Variants in RSPH9 observed in about 807,000 individuals in gnomAD.
RSPH9 encodes radial spoke head component 9.
A neutral mutation model predicts 27.0 loss-of-function variants in RSPH9; 27 were observed. The ratio of observed to expected loss-of-function variants is 1.00; its 90% CI spans 0.74 to 1.38. The LOEUF is 1.38. RSPH9 is among the 40% of genes most tolerant of loss of function. The pLI is 0.00. For synonymous variants in RSPH9, 145 were observed against 147.7 expected (o/e 0.98, Z 0.13); for missense variants, 347 against 357.4 (o/e 0.97, Z 0.24).
chr6:43,665,818 TC>T (rs1320976938), intron 4 of RSPH9, among the ~76,000 whole-genome samples: 19 of 152,066 alleles, frequency 1.2e-4, no homozygotes, highest in South Asian at 4.2e-4. Context: ...TTTCTTTCTT[TC>T]TTTCTTTTTT....
chr6:43,666,455 G>A, intron 4 of RSPH9: 4 of 1,550,530 alleles, frequency 2.6e-6, no homozygotes, highest in Non-Finnish European at 3.5e-6. Flanking sequence ...GTGACTTCAC[G>A]TGGCTTCTGA....
Position 43,672,035 on chromosome 6 carries a change from C to T in RSPH9, c.*1086C>T. 1 of 1,136,212 alleles carries T rather than the reference C, an allele frequency of 8.8e-7. No individual in the cohort carries two copies. The highest frequency in any genetic ancestry group is 1.2e-6 in the Non-Finnish European group (1 of 822,448). The allele number at this position is 1,136,212 out of a possible 1,614,324, so 70.4% of individuals were successfully genotyped here. A position where few individuals can be genotyped will look rare whatever the true frequency, so the allele number is the denominator to read the frequency against. On this transcript the variant is annotated 3_prime_UTR_variant, in exon 5 of 5. Coordinates refer to ENST00000372163, the MANE Select transcript of RSPH9 (RefSeq NM_152732.5). ...AAATCCTTTCACCAGTTTCCCTTTC[C>T]TGAAGTGCAGGGATTTTCCTGGGAG...
chr6:43,645,326 G>T lies in RSPH9; in HGVS notation c.227+1G>T, dbSNP rs1434824709. 2 of 1,608,594 alleles carry T rather than the reference G, an allele frequency of 1.2e-6. No homozygotes were observed. Among genetic ancestry groups the T allele is most frequent in the Non-Finnish European group, 8.5e-7 (1 of 1,176,836 alleles). On this transcript the variant is annotated splice_donor_variant, in intron 1 of 4. Transcript: ENST00000372163. LOFTEE classifies it high-confidence loss of function. ...TCGCACCGCGCAAGACGCTCTATAGGTGAGGAGGCCCCCGGGACGGGCTCC... is the reference window on the plus strand; with the variant it reads ...TCGCACCGCGCAAGACGCTCTATAGTTGAGGAGGCCCCCGGGACGGGCTCC...
chr6:43,670,942 T>C lies in RSPH9; in HGVS notation c.824T>C (p.Met275Thr), dbSNP rs1773666214. ...TGEKNMDLPF[M>T]L is the part of the protein sequence containing the mutation. ...GAGAAGAACATGGACTTGCCCTTCA[T>C]GCTATAGAATGGGAGCCAGCCTGGA... Residue 275 changes from methionine to threonine, a missense_variant, in exon 5 of 5, where the codon ATG (methionine) becomes ACG (threonine). Coordinates refer to ENST00000372163, the MANE Select transcript of RSPH9 (RefSeq NM_152732.5). 1 of 1,614,184 alleles carries C rather than the reference T, an allele frequency of 6.2e-7. No homozygotes were observed. Among genetic ancestry groups the C allele is most frequent in the Non-Finnish European group, 8.5e-7 (1 of 1,180,040 alleles).
intron 4 of RSPH9, among the ~76,000 whole-genome samples, chr6:43,662,968 AT>A (rs112384061): frequency 4.0e-5 from 6 of 148,370 alleles, no homozygotes; most frequent in East Asian, 2.0e-4. Flanking sequence ...CATACCTGGC[AT>A]TTTTTTTTTG....
At chr6:43,647,112 G>A (rs1218268781) in intron 1 of RSPH9, among the ~76,000 whole-genome samples, 1 of 136,114 alleles carries the variant, frequency 7.3e-6, no homozygotes, top group Non-Finnish European at 1.7e-5. Flanking sequence ...CCTGGTGACA[G>A]AGCGAGACCC....
chr6:43,665,087 G>A (rs1773013781), intron 4 of RSPH9, among the ~76,000 whole-genome samples: 1 of 152,232 alleles, frequency 6.6e-6, no homozygotes, highest in Non-Finnish European at 1.5e-5. Context: ...TGCTGGGTGA[G>A]AGGGGCTGGT....
intron 1 of RSPH9, among the ~76,000 whole-genome samples, chr6:43,645,653 A>T (rs533887568): frequency 6.6e-6 from 1 of 151,896 alleles, no homozygotes; most frequent in African/African-American, 2.4e-5. Flanking sequence ...AGAGAAACTT[A>T]CATGCGGATG....
intron 2 of RSPH9, 53 bp downstream of exon 2, chr6:43,650,593 CA>C: frequency 6.3e-7 from 1 of 1,593,684 alleles, no homozygotes; most frequent in Non-Finnish European, 8.6e-7. Context: ...TGGGCTCATC[CA>C]AAACCCAGCC....
At chr6:43,670,152 C>T (rs1489624586) in intron 4 of RSPH9, among the ~76,000 whole-genome samples, 1 of 152,200 alleles carries the variant, frequency 6.6e-6, no homozygotes, top group Non-Finnish European at 1.5e-5. Context: ...TCCCTTGGCC[C>T]AGCCCAACTC....
At position 43,672,498 on chromosome 6, in the gene RSPH9, C is replaced by T. The variant is rs749808818; in HGVS notation, c.*1549C>T. 26 of 465,422 alleles carry T rather than the reference C, an allele frequency of 5.6e-5. No homozygotes were observed. The highest frequency in any genetic ancestry group is 2.5e-4 in the South Asian group (16 of 64,304). 28.8% of individuals were successfully genotyped at this position (465,422 alleles called of 1,614,324 possible). A position where few individuals can be genotyped will look rare whatever the true frequency, so the allele number is the denominator to read the frequency against. On this transcript the variant is annotated 3_prime_UTR_variant, in exon 5 of 5. Transcript: ENST00000372163. ...TGGCTGCCGCCCATGGACCTTTGGC[C>T]TCCTTTGGGGATGGCCAGGGCCCTG...
chr6:43,662,941 G>T, intron 4 of RSPH9, among the ~76,000 whole-genome samples: 1 of 151,502 alleles, frequency 6.6e-6, no homozygotes, highest in Non-Finnish European at 1.5e-5. Flanking sequence ...AACAGCACAC[G>T]CAATAGGTGT....
chr6:43,666,110 G>T (rs1043873722), intron 4 of RSPH9, among the ~76,000 whole-genome samples: 1 of 152,190 alleles, frequency 6.6e-6, no homozygotes, highest in Non-Finnish European at 1.5e-5. Context: ...ACAGGCATAA[G>T]CCACCGTGCC....
chr6:43,662,044 T>A (rs1018642464), intron 4 of RSPH9, among the ~76,000 whole-genome samples: 6 of 152,144 alleles, frequency 3.9e-5, no homozygotes, highest in Non-Finnish European at 5.9e-5. Context: ...TGTGCCACCA[T>A]GCCTGGCTTA....
At chr6:43,670,692 T>C (rs1773629682) in intron 4 of RSPH9, 97 bp from the exon 5 acceptor site, 1 of 1,025,080 alleles carries the variant, frequency 9.8e-7, no homozygotes, top group African/African-American at 1.6e-5. Context: ...CCATAGCACC[T>C]GGGCCTGGCT....
At chr6:43,657,470 C>T (rs921685119) in intron 4 of RSPH9, among the ~76,000 whole-genome samples, 8 of 152,144 alleles carry the variant, frequency 5.3e-5, no homozygotes, top group Non-Finnish European at 1.2e-4. Context: ...AACAGGGGCT[C>T]AGAGAGTTAA....
intron 1 of RSPH9, 132 bp downstream of exon 1, chr6:43,645,457 T>G (rs1194760979): frequency 1.0e-4 from 72 of 695,024 alleles, no homozygotes; most frequent in Admixed American, 2.3e-4. Context: ...CTGAGATGAG[T>G]GGAATGGGGG....
rs1212404107 is a variant in RSPH9, at chr6:43,671,625, C to G, written c.*676C>G. ...GGGTACTGAAGTTAGTCCCACTGTC[C>G]CCTGTCCATGCATGTTGGAGGGACC... On this transcript the variant is annotated 3_prime_UTR_variant, in exon 5 of 5. Transcript: ENST00000372163. The G allele has an allele frequency of 2.3e-5, 23 of 1,003,090 alleles. No homozygotes were observed. Among genetic ancestry groups the G allele is most frequent in the Admixed American group, 6.0e-5 (3 of 49,588 alleles). 62.1% of individuals were successfully genotyped at this position (1,003,090 alleles called of 1,614,324 possible). A position where few individuals can be genotyped will look rare whatever the true frequency, so the allele number is the denominator to read the frequency against.
At chr6:43,655,353 C>A (rs1000758633) in intron 2 of RSPH9, among the ~76,000 whole-genome samples, 1 of 152,128 alleles carries the variant, frequency 6.6e-6, no homozygotes, top group Non-Finnish European at 1.5e-5. Context: ...ATCATACCAC[C>A]CTTATGTATT....
Sources: gnomAD v4.1 joint callset for allele counts (sites outside exome capture counted in the v4.1 genomes callset) on GRCh38, gnomAD v4.1.1 for gene constraint, MANE v1.5 for transcripts, NCBI Gene and HGNC (gene_info 2026-07-23, HGNC 2026-07-21) for gene names.